NXPE4: variants seen among roughly 807,000 people sequenced by gnomAD.
NXPE4 encodes neurexophilin and PC-esterase domain family member 4.
A neutral mutation model predicts 33.3 loss-of-function variants in NXPE4; 42 were observed. That is an observed-to-expected ratio of 1.26 (90% CI 0.98 to 1.63). The LOEUF (loss-of-function observed/expected upper bound fraction) is 1.63, where lower values mean the gene tolerates loss of function less well. NXPE4 is among the 40% of genes most tolerant of loss of function. The pLI, the probability that NXPE4 is intolerant of heterozygous loss-of-function variation, is 0.00. For missense variants in NXPE4, 709 were observed against 647.6 expected (o/e 1.09, Z -1.03); for synonymous variants, 253 against 234.9 (o/e 1.08, Z -0.71).
chr11:114,580,411 A>C, intron 4 of NXPE4, 73 bp from the exon 5 acceptor site: 2 of 1,247,694 alleles, frequency 1.6e-6, no homozygotes, highest in Non-Finnish European at 2.3e-6. Context: ...AGAGCCTTCT[A>C]TCCTCTAAGT....
At chr11:114,674,126 C>CAAACAAACAAACAAACA in the NXPE4 span, among the ~76,000 whole-genome samples, 1 of 80,924 alleles carries the variant, frequency 1.2e-5, no homozygotes, top group East Asian at 3.2e-4. Context: ...AACAAACAAA[C>CAAACAAACAAACAAACA]AAGTGAACAA....
At chr11:114,588,428 G>C (rs1461086079) in intron 2 of NXPE4, among the ~76,000 whole-genome samples, 2 of 152,172 alleles carry the variant, frequency 1.3e-5, no homozygotes, top group African/African-American at 2.4e-5. Flanking sequence ...CTCTCATGGA[G>C]GGATGTTATG....
chr11:114,650,594 G>A, the NXPE4 span, among the ~76,000 whole-genome samples: 1 of 152,166 alleles, frequency 6.6e-6, no homozygotes, highest in African/African-American at 2.4e-5. Context: ...CACTGCAAAG[G>A]GAGGAGGTGG....
At chr11:114,587,918 G>T (rs1273759922) in intron 2 of NXPE4, among the ~76,000 whole-genome samples, 1 of 152,132 alleles carries the variant, frequency 6.6e-6, no homozygotes, top group Non-Finnish European at 1.5e-5. Context: ...ATCCTGGCCT[G>T]CAGAGGGGAG....
the NXPE4 span, among the ~76,000 whole-genome samples, chr11:114,666,682 A>G: frequency 1.3e-5 from 2 of 152,142 alleles, no homozygotes; most frequent in South Asian, 2.1e-4. Context: ...TGGTTTCACA[A>G]AATAATTTCT....
the NXPE4 span, among the ~76,000 whole-genome samples, chr11:114,609,126 G>A: frequency 2.0e-5 from 3 of 151,924 alleles, no homozygotes; most frequent in Non-Finnish European, 4.4e-5. Context: ...TTACCCGGTG[G>A]ATAATAAGTA....
Position 114,580,312 on chromosome 11 carries a change from A to G in NXPE4, c.919T>C (p.Cys307Arg), listed in dbSNP as rs1949108709. 6.2e-7 allele frequency: 1 copy of G among 1,614,006 alleles called. No individual in the cohort carries two copies. The highest frequency in any genetic ancestry group is 8.5e-7 in the Non-Finnish European group (1 of 1,179,936). The stretch of plus-strand genomic sequence containing the variant: ...ATTGTGGATGTCATTCCAAACTTGC[A>G]TTTCTCTTTCATTGCAACTGTTTCT... ...NKETVAMKEK[C>R]KFGMTSTIPS... Residue 307 changes from cysteine to arginine, a missense_variant, in exon 5 of 6, where the codon TGC becomes CGC. Transcript: ENST00000375478.
chr11:114,611,281 G>A, the NXPE4 span, among the ~76,000 whole-genome samples: 3 of 151,354 alleles, frequency 2.0e-5, no homozygotes, highest in Non-Finnish European at 4.4e-5. Flanking sequence ...TTACCCTGTC[G>A]ATAATAAGTG....
the NXPE4 span, among the ~76,000 whole-genome samples, chr11:114,650,440 T>C: frequency 2.0e-5 from 3 of 152,116 alleles, no homozygotes; most frequent in Non-Finnish European, 4.4e-5. Flanking sequence ...ATTGAGAGGG[T>C]ACTCCTATTT....
At chr11:114,672,174 T>C in the NXPE4 span, among the ~76,000 whole-genome samples, 237 of 152,006 alleles carry the variant, frequency 1.6e-3, 1 homozygote, top group African/African-American at 4.1e-3. Context: ...ACCAGATCCC[T>C]CCTCTAACAC....
intron 2 of NXPE4, chr11:114,584,197 G>A (rs1949227704): frequency 2.8e-6 from 1 of 358,658 alleles, no homozygotes; most frequent in African/African-American, 2.2e-5. Context: ...CTGGAAATAA[G>A]AAAGAGCTGT....
the NXPE4 span, among the ~76,000 whole-genome samples, chr11:114,646,524 T>TA: frequency 6.6e-6 from 1 of 152,016 alleles, no homozygotes; most frequent in Admixed American, 6.6e-5. Context: ...TGTAATTTTT[T>TA]AAAAAACCTG....
the NXPE4 span, among the ~76,000 whole-genome samples, chr11:114,612,648 C>T: frequency 6.6e-6 from 1 of 151,182 alleles, no homozygotes; most frequent in African/African-American, 2.4e-5. Flanking sequence ...TCGTGGGTAA[C>T]CACGGTTACC....
At chr11:114,595,265 AC>A (rs1312081497) in intron 1 of NXPE4, among the ~76,000 whole-genome samples, 2 of 152,088 alleles carry the variant, frequency 1.3e-5, no homozygotes, top group East Asian at 3.9e-4. Flanking sequence ...GCTTTCTAGC[AC>A]CCCCTCAAGC....
upstream of NXPE4, among the ~76,000 whole-genome samples, chr11:114,598,992 AT>A (rs1949609401): frequency 6.6e-6 from 1 of 152,142 alleles, no homozygotes; most frequent in Non-Finnish European, 1.5e-5. Context: ...TCTTTTTACC[AT>A]ATGGCCAGGC....
Position 114,594,587 on chromosome 11 carries a change from T to A in NXPE4, c.96+77A>T. The A allele has an allele frequency of 3.3e-6, 3 of 905,260 alleles. No homozygotes were observed. In the East Asian group the frequency reaches 7.3e-5, roughly 22 times the overall value. The allele number at this position is 905,260 out of a possible 1,614,324, so 56.1% of individuals were successfully genotyped here. A position where few individuals can be genotyped will look rare whatever the true frequency, so the allele number is the denominator to read the frequency against. On this transcript the variant is annotated intron_variant, in intron 2 of 5. Coordinates refer to ENST00000375478, the MANE Select transcript of NXPE4 (RefSeq NM_001077639.2). ...CTCCTATAATCTACAAGTCTTGTAG[T>A]TTAGCCTTTCCTAGAACAGATGAGG...
the NXPE4 span, among the ~76,000 whole-genome samples, chr11:114,612,036 G>A: frequency 6.6e-6 from 1 of 151,848 alleles, no homozygotes; most frequent in Non-Finnish European, 1.5e-5. Context: ...GTTACCTGGT[G>A]GATAAGAAGT....
At chr11:114,657,556 T>A in the NXPE4 span, among the ~76,000 whole-genome samples, 1 of 152,194 alleles carries the variant, frequency 6.6e-6, no homozygotes, top group Non-Finnish European at 1.5e-5. Flanking sequence ...AGGCCCACAC[T>A]AGATATTGCT....
intron 4 of NXPE4, 65 bp from the exon 5 acceptor site, chr11:114,580,403 A>G: frequency 7.1e-7 from 1 of 1,405,130 alleles, no homozygotes; most frequent in Non-Finnish European, 1.0e-6. Flanking sequence ...ATGTATTAAG[A>G]GCCTTCTATC....
Sources: allele counts gnomAD v4.1 joint callset (sites outside exome capture counted in the v4.1 genomes callset), GRCh38; gene constraint gnomAD v4.1.1; transcripts MANE v1.5; gene names NCBI Gene and HGNC (gene_info 2026-07-23, HGNC 2026-07-21).